Variants in ENO4 observed in about 807,000 individuals in gnomAD.
The protein encoded by ENO4 is 2-phospho-D-glycerate hydro-lyase.
Under a neutral mutation model 63.2 loss-of-function variants are expected in ENO4, and 53 were observed. That is an observed-to-expected ratio of 0.84 (90% confidence interval 0.67 to 1.05). ENO4 has a LOEUF of 1.05. ENO4 is among the 50% of genes least tolerant of loss of function. ENO4 has a pLI of 0.00. For missense variants in ENO4, 719 were observed against 772.0 expected (o/e 0.93, Z 0.81); for synonymous variants, 266 against 283.8 (o/e 0.94, Z 0.63).
chr10:116,858,914 C>T, intron 3 of ENO4, 76 bp from the exon 4 acceptor site: 1 of 907,420 alleles, frequency 1.1e-6, no homozygotes, highest in South Asian at 1.9e-5. Context: ...ATGGGGTCAT[C>T]TCTAAAACAT....
chr10:116,857,370 C>T (rs1413246966), intron 3 of ENO4, among the ~76,000 whole-genome samples: 1 of 152,156 alleles, frequency 6.6e-6, no homozygotes, highest in African/African-American at 2.4e-5. Flanking sequence ...TACATTCAGT[C>T]CTCCAGCCAC....
At chr10:116,888,491 G>T (rs1017211311) in intron 10 of ENO4, among the ~76,000 whole-genome samples, 34 of 152,206 alleles carry the variant, frequency 2.2e-4, no homozygotes, top group African/African-American at 7.5e-4. Flanking sequence ...TGTTCTGACA[G>T]TTGGGAGGGA....
intron 9 of ENO4, among the ~76,000 whole-genome samples, chr10:116,871,988 G>C (rs1403161469): frequency 6.6e-6 from 1 of 152,208 alleles, no homozygotes; most frequent in Non-Finnish European, 1.5e-5. Context: ...CCTGAGGTCA[G>C]GAGTTCAAGA....
chr10:116,878,578 AC>A (rs1476087049), intron 11 of ENO4, among the ~76,000 whole-genome samples: 3 of 152,150 alleles, frequency 2.0e-5, no homozygotes, highest in Admixed American at 6.5e-5. Flanking sequence ...CGTTACTCTT[AC>A]CATATTTCAC....
intron 1 of ENO4, chr10:116,850,046 C>T: frequency 1.9e-6 from 1 of 521,136 alleles, no homozygotes; most frequent in Non-Finnish European, 3.5e-6. Context: ...CGTTTGTGGG[C>T]CGGCCCACCG....
intron 8 of ENO4, 94 bp downstream of exon 8, chr10:116,868,800 A>G (rs1846612717): frequency 1.7e-6 from 2 of 1,150,964 alleles, no homozygotes; most frequent in Non-Finnish European, 2.6e-6. Flanking sequence ...TTGCTCCAAG[A>G]CCAGGACTGA....
At chr10:116,874,027 T>A (rs1186921675) in intron 9 of ENO4, 49 bp from the exon 10 acceptor site, 1 of 1,479,360 alleles carries the variant, frequency 6.8e-7, no homozygotes, top group South Asian at 1.3e-5. Context: ...TGGGATTTGA[T>A]GAATTCATTA....
chr10:116,890,753 AACTT>A (rs1386851042), intron 10 of ENO4, among the ~76,000 whole-genome samples: 2 of 152,258 alleles, frequency 1.3e-5, no homozygotes, highest in East Asian at 3.8e-4. Context: ...CAGGTGGGGC[AACTT>A]ACTAGTAAAA....
In ENO4 at chr10:116,861,085, T is replaced by G; in HGVS notation, c.831T>G (p.Pro277=). The G allele has an allele frequency of 6.5e-7, 1 of 1,548,688 alleles. No homozygotes were observed. ...AACAGCCAACAACGCTATCTATGCC[T>G]TTGCTGATGGTATCGCTGGTCAGCT... ...NQEQPTTLSM[P]LLMVSLVSCG... is the part of the protein sequence containing the mutation. The change falls in exon 6 of 14, where the codon CCT becomes CCG. Residue 277 remains proline (P), a synonymous_variant. Transcript: ENST00000341276.
chr10:116,861,390 T>G (rs184423023), intron 6 of ENO4, among the ~76,000 whole-genome samples, 200 bp downstream of exon 6: 1 of 152,202 alleles, frequency 6.6e-6, no homozygotes, highest in African/African-American at 2.4e-5. Flanking sequence ...GATGTCTGGT[T>G]TCATTACAGC....
chr10:116,859,612 C>T (rs1846355691), intron 4 of ENO4, among the ~76,000 whole-genome samples: 1 of 152,218 alleles, frequency 6.6e-6, no homozygotes, highest in African/African-American at 2.4e-5. Context: ...TTTGCCCTTG[C>T]TCCATGCCTT....
At chr10:116,884,381 G>A (rs1847106118), downstream of ENO4, 3 of 407,358 alleles carry the variant, frequency 7.4e-6, no homozygotes, top group Non-Finnish European at 1.5e-5. Flanking sequence ...AATTTAAAAT[G>A]CTTTGTAATC....
chr10:116,850,053 A>T, intron 1 of ENO4: 1 of 502,980 alleles, frequency 2.0e-6, no homozygotes, highest in Non-Finnish European at 3.6e-6. Context: ...GGGCCGGCCC[A>T]CCGCCCATGC....
chr10:116,849,753 T>C lies in ENO4; in HGVS notation c.165+22T>C, dbSNP rs762672470. On this transcript the variant is annotated intron_variant, in intron 1 of 13. Transcript: ENST00000341276. Reference sequence around the variant, plus strand: ...CCTGGTAGGGACCTGGGACAAGCGCTCTCCTCCCGCCAACCCCTCTCCCCC... The same window carrying C: ...CCTGGTAGGGACCTGGGACAAGCGCCCTCCTCCCGCCAACCCCTCTCCCCC... 9.5e-6 allele frequency: 14 copies of C among 1,478,972 alleles called. No individual in the cohort carries two copies. In the African/African-American group the frequency reaches 1.7e-4, roughly 18 times the overall value. The allele number at this position is 1,478,972 out of a possible 1,614,324, so 91.6% of individuals were successfully genotyped here.
chr10:116,869,376 T>G (rs1387758319), intron 8 of ENO4, among the ~76,000 whole-genome samples: 1 of 152,216 alleles, frequency 6.6e-6, no homozygotes, highest in East Asian at 1.9e-4. Flanking sequence ...GGGTGAAGGT[T>G]GCTCGCATCT....
In ENO4 at chr10:116,881,495, TTTA is replaced by T. The variant is rs762525231; in HGVS notation, c.1724-17_1724-15del. On this transcript the variant is annotated splice_polypyrimidine_tract_variant and intron_variant, in intron 13 of 13. Coordinates refer to ENST00000341276, the MANE Select transcript of ENO4 (RefSeq NM_001242699.2). ...GGCACCATTGGATTAGACAGTAAAC[TTTA>T]TTGTTACTTTAAATAGGTTTCAAAG... 11 of 1,521,078 alleles carry T rather than the reference TTTA, an allele frequency of 7.2e-6. No homozygotes were observed. In the South Asian group the frequency reaches 1.3e-4, roughly 17 times the overall value. 94.2% of individuals were successfully genotyped at this position (1,521,078 alleles called of 1,614,324 possible).
At chr10:116,889,162 T>C (rs1847256681) in intron 10 of ENO4, among the ~76,000 whole-genome samples, 1 of 152,218 alleles carries the variant, frequency 6.6e-6, no homozygotes, top group Non-Finnish European at 1.5e-5. Context: ...GAAGGGGTGG[T>C]GCACAGATCC....
intron 7 of ENO4, among the ~76,000 whole-genome samples, chr10:116,866,807 TAA>T (rs778370507): frequency 7.2e-5 from 10 of 139,092 alleles, no homozygotes; most frequent in Admixed American, 1.4e-4. Context: ...CCTGTCCCAT[TAA>T]AAAAAAAAAA....
At chr10:116,903,275 G>A (rs1847819469) in intron 10 of ENO4, among the ~76,000 whole-genome samples, 1 of 152,158 alleles carries the variant, frequency 6.6e-6, no homozygotes, top group Admixed American at 6.5e-5. Context: ...GCTCATGCCT[G>A]TAATCCCAGC....
Sources: allele counts gnomAD v4.1 joint callset (sites outside exome capture counted in the v4.1 genomes callset), GRCh38; gene constraint gnomAD v4.1.1; transcripts MANE v1.5; gene names NCBI Gene and HGNC (gene_info 2026-07-23, HGNC 2026-07-21).